Variants in A2ML1 observed in about 807,000 individuals in gnomAD.
A2ML1 encodes the protein alpha-2-macroglobulin-like protein 1.
A neutral mutation model predicts 181.9 loss-of-function variants in A2ML1; 161 were observed. The observed-to-expected ratio is 0.89, with a 90% CI of 0.78 to 1.01. A2ML1 has a LOEUF of 1.01. Ranked by LOEUF, A2ML1 falls within the 50% of genes least tolerant of loss-of-function variation. A2ML1 has a pLI of 0.00. For synonymous variants in A2ML1, 663 were observed against 666.8 expected (o/e 0.99, Z 0.09); for missense variants, 1,670 against 1,768.1 (o/e 0.94, Z 1.00).
rs1192456665 is a variant in A2ML1, at chr12:8,876,101, G to A, written c.*45G>A. 1 of 152,044 alleles carries A rather than the reference G, an allele frequency of 6.6e-6. No homozygotes were observed. The highest frequency in any genetic ancestry group is 1.5e-5 in the Non-Finnish European group (1 of 68,024). The allele number at this position is 152,044 out of a possible 1,614,324, so 9.4% of individuals were successfully genotyped here. A position where few individuals can be genotyped will look rare whatever the true frequency, so the allele number is the denominator to read the frequency against. On this transcript the variant is annotated 3_prime_UTR_variant, in exon 36 of 36. Transcript: ENST00000299698. Reference sequence around the variant, plus strand: ...AATTAGTCCTCTGTGACATTTACTGGAGGGTGGAACATTCTTCTGTCGCTT... The same window carrying A: ...AATTAGTCCTCTGTGACATTTACTGAAGGGTGGAACATTCTTCTGTCGCTT...
chr12:8,829,929 G>C (rs1017659536), intron 4 of A2ML1, 150 bp downstream of exon 4: 7 of 875,944 alleles, frequency 8.0e-6, no homozygotes, highest in Non-Finnish European at 7.0e-6. Context: ...GAAGTGCTGG[G>C]CGAGCTTCAG....
At chr12:8,822,832 T>A in intron 1 of A2ML1, 119 bp downstream of exon 1, 1 of 903,792 alleles carries the variant, frequency 1.1e-6, no homozygotes, top group Admixed American at 2.1e-5. Context: ...CCTCCTCCTT[T>A]TTTCTCTTCT....
At chr12:8,825,184 G>T (rs748313029) in intron 3 of A2ML1, among the ~76,000 whole-genome samples, 1 of 152,196 alleles carries the variant, frequency 6.6e-6, no homozygotes, top group East Asian at 1.9e-4. Flanking sequence ...GTTCTCCATA[G>T]TGGTTGTACT....
rs761197510 is a variant in A2ML1, at chr12:8,836,262, G to A, written c.651G>A (p.Pro217=). ...TCCTTTTACTCTCTTCAGTGCTGCC[G>A]AAGTTTAAGGTGGAAGTGGTGGAAC... ...GTFSVEEYVL[P]KFKVEVVEPK... Residue 217 remains proline, a synonymous_variant, in exon 7 of 36, where the codon CCG becomes CCA. Coordinates refer to ENST00000299698, the MANE Select transcript of A2ML1 (RefSeq NM_144670.6). The A allele has an allele frequency of 1.5e-5, 25 of 1,613,830 alleles. No homozygotes were observed. The highest frequency in any genetic ancestry group is 4.0e-5 in the African/African-American group (3 of 74,870).
In A2ML1 at chr12:8,868,026, A is replaced by C; in HGVS notation, c.3902A>C (p.Glu1301Ala). The part of the protein sequence containing the change: ...LPNVPGMYTL[E>A]ASGQGCVYVQ... ...AATGTCCCTGGAATGTACACGTTGG[A>C]GGCCTCAGGCCAGGGCTGTGTCTAT... The change falls in exon 30 of 36, where the codon GAG becomes GCG. Residue 1301 changes from glutamate to alanine, a missense_variant. By Grantham distance (107) the Glu-to-Ala change is moderately radical (BLOSUM62 -1). Transcript: ENST00000299698. 1 of 1,614,270 alleles carries C rather than the reference A, an allele frequency of 6.2e-7. No individual in the cohort carries two copies. The highest frequency in any genetic ancestry group is 8.5e-7 in the Non-Finnish European group (1 of 1,180,054).
intron 21 of A2ML1, 97 bp from the exon 22 acceptor site, chr12:8,854,683 T>C: frequency 7.4e-7 from 1 of 1,342,724 alleles, no homozygotes; most frequent in Non-Finnish European, 1.1e-6. Flanking sequence ...AGGGAAGCCC[T>C]GGGGGCACAG....
At chr12:8,837,891 GAAAAA>G (rs151300022) in intron 8 of A2ML1, among the ~76,000 whole-genome samples, 3 of 103,828 alleles carry the variant, frequency 2.9e-5, no homozygotes, top group South Asian at 3.4e-4. Flanking sequence ...CTCCCCCACC[GAAAAA>G]AAAAAAAAAA....
intron 7 of A2ML1, among the ~76,000 whole-genome samples, chr12:8,884,976 A>G (rs1219585733): frequency 1.3e-5 from 2 of 152,226 alleles, no homozygotes; most frequent in African/African-American, 2.4e-5. Flanking sequence ...TAGTGCTGCA[A>G]TGAACATTTG....
chr12:8,858,140 C>G, intron 26 of A2ML1, 38 bp downstream of exon 26: 1 of 1,599,544 alleles, frequency 6.3e-7, no homozygotes, highest in Non-Finnish European at 8.5e-7. Flanking sequence ...CAACCACTGT[C>G]TCGAAGGACC....
At chr12:8,843,720 T>C (rs979628339) in intron 12 of A2ML1, among the ~76,000 whole-genome samples, 2 of 143,558 alleles carry the variant, frequency 1.4e-5, no homozygotes, top group South Asian at 2.4e-4. Flanking sequence ...CCTTTTTTTT[T>C]CTTTTTTTTT....
Position 8,829,808 on chromosome 12 carries a change from G to A in A2ML1, c.462+29G>A, listed in dbSNP as rs141350563. 1,054 of 1,613,440 alleles carry A rather than the reference G, an allele frequency of 6.5e-4. 5 individuals carry two copies. In the African/African-American group the frequency reaches 0.012, roughly 19 times the overall value. ...AGTTGGGAGGAGGAGAAGGAGTGGC[G>A]CAGGGAGAACAGGGAAAAGGATGAG... On this transcript the variant is annotated intron_variant, in intron 4 of 35. Coordinates refer to ENST00000299698, the MANE Select transcript of A2ML1 (RefSeq NM_144670.6).
At chr12:8,823,614 C>T in intron 2 of A2ML1, 106 bp from the exon 3 acceptor site, 1 of 1,277,120 alleles carries the variant, frequency 7.8e-7, no homozygotes, top group South Asian at 1.4e-5. Context: ...TCCTTGCTAC[C>T]CCCATCTAAC....
Position 8,851,849 on chromosome 12 carries a change from G to A in A2ML1, c.2300G>A (p.Ser767Asn). Residue 767 changes from serine (S) to asparagine (N), a missense_variant, in exon 19 of 36, where the codon AGT becomes AAT. Physicochemically the swap from Ser to Asn is conservative, Grantham distance 46. Transcript: ENST00000299698. ...GCCATCACCGAGTGGAAGGCGATGA[G>A]TTTCTGCACTTCCCAGTCAAGAGGC... is the stretch of plus-strand genomic sequence containing the variant. ...PDAITEWKAM[S>N]FCTSQSRGFG... is the part of the protein sequence containing the mutation. The A allele has an allele frequency of 6.2e-7, 1 of 1,614,224 alleles. No individual in the cohort carries two copies. The highest frequency in any genetic ancestry group is 8.5e-7 in the Non-Finnish European group (1 of 1,180,040).
intron 7 of A2ML1, among the ~76,000 whole-genome samples, chr12:8,836,845 T>C (rs774216544): frequency 6.6e-6 from 1 of 152,088 alleles, no homozygotes; most frequent in African/African-American, 2.4e-5. Context: ...GATAGTATTA[T>C]TGATTTAGTC....
intron 26 of A2ML1, among the ~76,000 whole-genome samples, chr12:8,860,281 C>G (rs1041843336): frequency 6.6e-6 from 1 of 152,098 alleles, no homozygotes; most frequent in Non-Finnish European, 1.5e-5. Flanking sequence ...TGAGCTCAAG[C>G]GATCCTCCCC....
intron 34 of A2ML1, 107 bp from the exon 35 acceptor site, chr12:8,874,864 C>A: frequency 9.6e-7 from 1 of 1,040,750 alleles, no homozygotes; most frequent in Non-Finnish European, 1.5e-6. Flanking sequence ...TGCTCATAAC[C>A]TGTAGAGATT....
chr12:8,851,963 C>G lies in A2ML1; in HGVS notation c.2414C>G (p.Ser805Cys), dbSNP rs749075339. The change falls in exon 19 of 36, where the codon TCC becomes TGC. Residue 805 changes from serine (S) to cysteine (C), a missense_variant. By Grantham distance (112) the Ser-to-Cys change is moderately radical. Coordinates refer to ENST00000299698, the MANE Select transcript of A2ML1 (RefSeq NM_144670.6). ...CCTTACTCAGTAGTCCGTGGGGAAT[C>G]CTTTCGTCTTACTGCCACCATCTTC... ...TLPYSVVRGESFRLTATIFNY... is the reference protein window; with the variant it reads ...TLPYSVVRGECFRLTATIFNY... 1.2e-6 allele frequency: 2 copies of G among 1,614,024 alleles called. No individual in the cohort carries two copies. Among genetic ancestry groups the G allele is most frequent in the Non-Finnish European group, 1.7e-6 (2 of 1,180,048 alleles).
intron 15 of A2ML1, among the ~76,000 whole-genome samples, chr12:8,848,134 CA>C (rs755571563): frequency 1.1e-3 from 101 of 93,398 alleles, no homozygotes; most frequent in Middle Eastern, 6.6e-3. Context: ...GTCTCAAAAA[CA>C]AAAAAAAAAA....
chr12:8,854,106 C>A, intron 20 of A2ML1, 22 bp from the exon 21 acceptor site: 1 of 1,557,524 alleles, frequency 6.4e-7, no homozygotes, highest in Non-Finnish European at 8.7e-7. Flanking sequence ...GGGCTAATGG[C>A]TTCCCTTCTT....
Sources: allele counts gnomAD v4.1 joint callset (sites outside exome capture counted in the v4.1 genomes callset), GRCh38; gene constraint gnomAD v4.1.1; transcripts MANE v1.5; gene names NCBI Gene and HGNC (gene_info 2026-07-23, HGNC 2026-07-21).